Variants in RNF169 observed in about 807,000 individuals in gnomAD.
The protein encoded by RNF169 is ring finger protein 169, also known as E3 ubiquitin-protein ligase RNF169.
RNF169 carries 24 observed loss-of-function variants against 53.9 expected under a neutral mutation model. That is an observed-to-expected ratio of 0.45 (90% confidence interval 0.32 to 0.63). The LOEUF (loss-of-function observed/expected upper bound fraction) is 0.63, where lower values mean the gene tolerates loss of function less well. Ranked by LOEUF, RNF169 falls within the 20% of genes least tolerant of loss-of-function variation. RNF169 has a pLI of 0.04. For missense variants in RNF169, 883 were observed against 906.2 expected (o/e 0.97, Z 0.33); for synonymous variants, 396 against 363.5 (o/e 1.09, Z -1.02).
chr11:74,789,325 G>A (rs2035548551), intron 1 of RNF169, among the ~76,000 whole-genome samples: 1 of 152,138 alleles, frequency 6.6e-6, no homozygotes, highest in South Asian at 2.1e-4. Flanking sequence ...CAACTTTTTG[G>A]GGAGACTATT....
At chr11:74,823,557 G>A (rs571722961) in intron 4 of RNF169, among the ~76,000 whole-genome samples, 3 of 151,914 alleles carry the variant, frequency 2.0e-5, no homozygotes, top group South Asian at 4.2e-4. Context: ...GCAACATAGC[G>A]AGACCTTGTC....
intron 3 of RNF169, among the ~76,000 whole-genome samples, chr11:74,813,365 G>A (rs896956890): frequency 6.6e-6 from 1 of 152,164 alleles, no homozygotes; most frequent in Non-Finnish European, 1.5e-5. Flanking sequence ...ATTATCATCT[G>A]TTATTTTTTT....
chr11:74,787,397 A>G (rs1334938187), intron 1 of RNF169, among the ~76,000 whole-genome samples: 1 of 152,222 alleles, frequency 6.6e-6, no homozygotes, highest in East Asian at 1.9e-4. Context: ...ACTCTTAACC[A>G]TATAAAAACA....
At chr11:74,783,271 A>G (rs146510068) in intron 1 of RNF169, among the ~76,000 whole-genome samples, 4 of 151,996 alleles carry the variant, frequency 2.6e-5, no homozygotes, top group Non-Finnish European at 5.9e-5. Context: ...TTAATAAGCA[A>G]TCACTCTGGC....
chr11:74,834,431 C>T lies in RNF169; in HGVS notation c.843-245C>T, dbSNP rs141952873. ...TCAAAATAGCCACTGGTTCTGCCTC[C>T]TTTTGGCAGGGTCTAGTTTGGAAAC... On this transcript the variant is annotated intron_variant, in intron 4 of 5. Transcript: ENST00000299563. Among the ~76,000 whole-genome samples, 181 of 152,310 alleles carry T rather than the reference C, an allele frequency of 1.2e-3. 3 individuals carry two copies. In the East Asian group the frequency reaches 0.03, roughly 25 times the overall value.
chr11:74,752,402 G>A (rs947616586), intron 1 of RNF169, among the ~76,000 whole-genome samples: 6 of 151,906 alleles, frequency 3.9e-5, no homozygotes, highest in Non-Finnish European at 7.4e-5. Flanking sequence ...TTCAAGACCA[G>A]CCTGGCTAAC....
intron 1 of RNF169, among the ~76,000 whole-genome samples, chr11:74,762,699 A>T (rs2035107487): frequency 6.6e-6 from 1 of 152,242 alleles, no homozygotes; most frequent in Admixed American, 6.5e-5. Context: ...CAAAAACAAA[A>T]ATGGAACTAC....
chr11:74,803,066 G>A (rs1433004984), intron 2 of RNF169, among the ~76,000 whole-genome samples: 3 of 150,472 alleles, frequency 2.0e-5, no homozygotes, highest in Non-Finnish European at 4.4e-5. Context: ...GACTACAGGC[G>A]CCCACCACCA....
chr11:74,820,707 A>G (rs953747532), intron 4 of RNF169, among the ~76,000 whole-genome samples: 1 of 152,222 alleles, frequency 6.6e-6, no homozygotes, highest in Non-Finnish European at 1.5e-5. Flanking sequence ...GTAATGGAAT[A>G]TGGCTGGAAA....
rs1323423163 is a variant in RNF169 at position 74,841,005 on chromosome 11, T to G, written c.*4275T>G. Reference sequence around the variant, plus strand: ...AGTTAGTTAGAGTTAAATGTACCTATAGCCCCTGAATACATGCTCAGGTAG... The same window carrying G: ...AGTTAGTTAGAGTTAAATGTACCTAGAGCCCCTGAATACATGCTCAGGTAG... On this transcript the variant is annotated 3_prime_UTR_variant, in exon 6 of 6. Coordinates refer to ENST00000299563, the MANE Select transcript of RNF169 (RefSeq NM_001098638.2). 6.6e-6 allele frequency: 1 copy of G among 152,154 alleles called. No homozygotes were observed. Among genetic ancestry groups the G allele is most frequent in the African/African-American group, 2.4e-5 (1 of 41,436 alleles). 9.4% of individuals were successfully genotyped at this position (152,154 alleles called of 1,614,324 possible).
At position 74,836,332 on chromosome 11, in the gene RNF169, C is replaced by G; in HGVS notation, c.1729C>G (p.Leu577Val). ...GAAAATCACCACAGTTAATTCAGTG[C>G]TACCCCAAAACAGTGTTTTGGGTGG... ...AMKITTVNSV[L>V]PQNSVLGGVL... The change falls in exon 6 of 6, where the codon CTA becomes GTA. Residue 577 changes from leucine to valine, a missense_variant. Coordinates refer to ENST00000299563, the MANE Select transcript of RNF169 (RefSeq NM_001098638.2). 6.2e-7 allele frequency: 1 copy of G among 1,614,150 alleles called. No individual in the cohort carries two copies. Among genetic ancestry groups the G allele is most frequent in the Non-Finnish European group, 8.5e-7 (1 of 1,180,020 alleles).
rs879190919 is a variant in RNF169 at position 74,839,910 on chromosome 11, C to T, written c.*3180C>T. On this transcript the variant is annotated 3_prime_UTR_variant, in exon 6 of 6. Coordinates refer to ENST00000299563, the MANE Select transcript of RNF169 (RefSeq NM_001098638.2). ...TTAAGTCTTCTTGGGTGAGGCTTGC[C>T]AGGGAAACTCCTAAGTGGCTTCACT... is the stretch of plus-strand genomic sequence containing the variant. The T allele has an allele frequency of 5.3e-5, 8 of 152,050 alleles. No individual in the cohort carries two copies. Among genetic ancestry groups the T allele is most frequent in the Admixed American group, 3.3e-4 (5 of 15,264 alleles). 9.4% of individuals were successfully genotyped at this position (152,050 alleles called of 1,614,324 possible). A position where few individuals can be genotyped will look rare whatever the true frequency, so the allele number is the denominator to read the frequency against.
At chr11:74,808,219 C>A (rs2035830549) in intron 2 of RNF169, 1 of 152,160 alleles carries the variant, frequency 6.6e-6, no homozygotes, top group East Asian at 1.9e-4. Context: ...AAAAAATAAA[C>A]TATTTGGAGG....
chr11:74,801,348 A>C (rs1046147848), intron 2 of RNF169, among the ~76,000 whole-genome samples: 1 of 152,206 alleles, frequency 6.6e-6, no homozygotes, highest in Non-Finnish European at 1.5e-5. Context: ...CAGCATCAGC[A>C]ATAGTCACCA....
intron 1 of RNF169, among the ~76,000 whole-genome samples, chr11:74,760,511 T>G (rs1480835096): frequency 2.6e-5 from 4 of 152,200 alleles, no homozygotes; most frequent in Non-Finnish European, 4.4e-5. Flanking sequence ...GTATGTTGTG[T>G]CTTTGTTCTC....
At chr11:74,792,200 A>C (rs1023211985) in intron 2 of RNF169, among the ~76,000 whole-genome samples, 1 of 152,118 alleles carries the variant, frequency 6.6e-6, no homozygotes, top group Non-Finnish European at 1.5e-5. Flanking sequence ...TCTGTTGAAA[A>C]ATTATTTTCA....
chr11:74,829,622 G>A (rs1441651402), intron 4 of RNF169, among the ~76,000 whole-genome samples: 1 of 152,152 alleles, frequency 6.6e-6, no homozygotes, highest in Non-Finnish European at 1.5e-5. Flanking sequence ...ACCGAATAAA[G>A]AAAATGTGGT....
intron 2 of RNF169, among the ~76,000 whole-genome samples, chr11:74,809,147 C>T (rs2035841846): frequency 6.6e-6 from 1 of 151,906 alleles, no homozygotes; most frequent in East Asian, 1.9e-4. Context: ...AAACCTGAGG[C>T]AGCAGCCTAT....
At position 74,842,158 on chromosome 11, in the gene RNF169, A is replaced by C. The variant is rs1354071633; in HGVS notation, c.*5428A>C. ...TGTCTGCTTTAGGATTGGAGAAGGT[A>C]CCTGGATCCTTGTGGACTGCCACTG... On this transcript the variant is annotated 3_prime_UTR_variant, in exon 6 of 6. Transcript: ENST00000299563. 2 of 152,226 alleles carry C rather than the reference A, an allele frequency of 1.3e-5. No homozygotes were observed. The highest frequency in any genetic ancestry group is 2.1e-4 in the South Asian group (1 of 4,830). 9.4% of individuals were successfully genotyped at this position (152,226 alleles called of 1,614,324 possible). A position where few individuals can be genotyped will look rare whatever the true frequency, so the allele number is the denominator to read the frequency against.
Sources: gnomAD v4.1 joint callset for allele counts (sites outside exome capture counted in the v4.1 genomes callset) on GRCh38, gnomAD v4.1.1 for gene constraint, MANE v1.5 for transcripts, NCBI Gene and HGNC (gene_info 2026-07-23, HGNC 2026-07-21) for gene names.